Variants in RXFP2 observed in about 807,000 individuals in gnomAD.
RXFP2 encodes relaxin receptor 2.
RXFP2 carries 68 observed loss-of-function variants against 88.6 expected under a neutral mutation model. That is an observed-to-expected ratio of 0.77 (90% CI 0.63 to 0.94). RXFP2 has a LOEUF of 0.94. Among genes scored for constraint, RXFP2 ranks in the 40% least tolerant of loss-of-function variants. The pLI is 0.00. For synonymous variants in RXFP2, 329 were observed against 306.8 expected, an observed-to-expected ratio of 1.07 and a Z score of -0.76; for missense variants, 791 against 893.9, an observed-to-expected ratio of 0.88 and a Z score of 1.47.
chr13:31,753,123 G>A (rs181208857), intron 1 of RXFP2, among the ~76,000 whole-genome samples: 1 of 152,168 alleles, frequency 6.6e-6, no homozygotes. Context: ...AGAACATCTG[G>A]CTGAGAGGAT....
intron 5 of RXFP2, among the ~76,000 whole-genome samples, chr13:31,773,456 C>T (rs1356239047): frequency 1.3e-5 from 2 of 151,130 alleles, no homozygotes; most frequent in African/African-American, 4.9e-5. Flanking sequence ...TCTTTATTTA[C>T]TTTCACTTTC....
chr13:31,802,422 C>T lies in RXFP2; in HGVS notation c.*17C>T. On this transcript the variant is annotated 3_prime_UTR_variant, in exon 18 of 18. Transcript: ENST00000298386. ...GTTTCCTAGCAATCATTTTGGATCACTGGACTTTCAGTGGACTACCTAAAA... is the reference window on the plus strand; with the variant it reads ...GTTTCCTAGCAATCATTTTGGATCATTGGACTTTCAGTGGACTACCTAAAA... The T allele has an allele frequency of 1.2e-6, 2 of 1,612,912 alleles. No homozygotes were observed. The highest frequency in any genetic ancestry group is 1.1e-5 in the South Asian group (1 of 90,946).
intron 14 of RXFP2, among the ~76,000 whole-genome samples, chr13:31,790,940 A>C (rs1229445317): frequency 6.6e-6 from 1 of 152,222 alleles, no homozygotes; most frequent in Non-Finnish European, 1.5e-5. Context: ...GCAGGGCAAG[A>C]GGCGAGGTGG....
chr13:31,786,676 G>C (rs764085501), intron 13 of RXFP2, 39 bp downstream of exon 13: 1 of 1,247,684 alleles, frequency 8.0e-7, no homozygotes, highest in Non-Finnish European at 1.2e-6. Context: ...TATAATTTTA[G>C]TGGATGTACT....
At chr13:31,783,370 A>T (rs1426442721) in intron 11 of RXFP2, among the ~76,000 whole-genome samples, 1 of 152,220 alleles carries the variant, frequency 6.6e-6, no homozygotes, top group Non-Finnish European at 1.5e-5. Context: ...GGAAGTTAAA[A>T]CTAAGTCTGT....
In RXFP2 at chr13:31,802,754, A is replaced by G. The variant is rs1874419075; in HGVS notation, c.*349A>G. 8.2e-6 allele frequency: 2 copies of G among 242,732 alleles called. No homozygotes were observed. The highest frequency in any genetic ancestry group is 1.6e-5 in the Non-Finnish European group (2 of 122,622). 15.0% of individuals were successfully genotyped at this position (242,732 alleles called of 1,614,324 possible). A position where few individuals can be genotyped will look rare whatever the true frequency, so the allele number is the denominator to read the frequency against. ...TCTTTCACATCGGGTTGCACTGTCC[A>G]TGAAATAGAAACACTCACAACATCT... On this transcript the variant is annotated 3_prime_UTR_variant, in exon 18 of 18. Transcript: ENST00000298386.
chr13:31,777,372 T>C lies in RXFP2; in HGVS notation c.642-4T>C. 1 of 1,604,546 alleles carries C rather than the reference T, an allele frequency of 6.2e-7. No homozygotes were observed. Among genetic ancestry groups the C allele is most frequent in the Non-Finnish European group, 8.5e-7 (1 of 1,172,060 alleles). On this transcript the variant is annotated splice_region_variant and splice_polypyrimidine_tract_variant and intron_variant, in intron 7 of 17. Transcript: ENST00000298386. ...TGGAAATGTTTCTTGATACATTTTG[T>C]CAGAATTCTAGATGACAATCCAATA...
intron 1 of RXFP2, among the ~76,000 whole-genome samples, chr13:31,753,023 G>A (rs1218115906): frequency 6.6e-6 from 1 of 152,136 alleles, no homozygotes; most frequent in African/African-American, 2.4e-5. Context: ...TGGTGACCAG[G>A]TCGTCTGACT....
chr13:31,775,189 C>T, intron 6 of RXFP2, 129 bp from the exon 7 acceptor site: 1 of 793,786 alleles, frequency 1.3e-6, no homozygotes, highest in South Asian at 1.5e-5. Flanking sequence ...CCCCTCTGCT[C>T]ATTCAGCCGA....
intron 2 of RXFP2, among the ~76,000 whole-genome samples, chr13:31,759,435 A>AAGAC (rs1267206298): frequency 7.3e-6 from 1 of 136,352 alleles, no homozygotes; most frequent in Non-Finnish European, 1.6e-5. Context: ...GAAAGAAAGA[A>AAGAC]AGAAAGAAAG....
chr13:31,791,937 C>A lies in RXFP2; in HGVS notation c.1277C>A (p.Ala426Asp). Residue 426 changes from alanine to aspartate, a missense_variant, in exon 15 of 18, where the codon GCT becomes GAT. By Grantham distance (126) the Ala-to-Asp change is moderately radical. Transcript: ENST00000298386. ...CTCAGAATATTTGTCTGGGTTATAG[C>A]TTTCATTACCTGCTTTGGAAATCTT... ...NILRIFVWVI[A>D]FITCFGNLFV... 6.2e-7 allele frequency: 1 copy of A among 1,614,104 alleles called. No individual in the cohort carries two copies. The highest frequency in any genetic ancestry group is 8.5e-7 in the Non-Finnish European group (1 of 1,179,970).
At chr13:31,761,929 C>T in intron 3 of RXFP2, 128 bp downstream of exon 3, 1 of 629,870 alleles carries the variant, frequency 1.6e-6, no homozygotes. Context: ...ATTTCACTGG[C>T]TAACAGGTCT....
At chr13:31,791,430 C>A (rs1873786062) in intron 14 of RXFP2, among the ~76,000 whole-genome samples, 1 of 152,110 alleles carries the variant, frequency 6.6e-6, no homozygotes, top group Admixed American at 6.5e-5. Flanking sequence ...TTTTCCCATC[C>A]CAAGCCCAAG....
chr13:31,775,463 T>G, intron 7 of RXFP2, 74 bp downstream of exon 7: 1 of 1,087,990 alleles, frequency 9.2e-7, no homozygotes, highest in East Asian at 2.4e-5. Flanking sequence ...TAATGTAGTT[T>G]CCACTATTTG....
intron 2 of RXFP2, among the ~76,000 whole-genome samples, chr13:31,758,952 G>T (rs1011126764): frequency 1.2e-4 from 18 of 152,032 alleles, no homozygotes; most frequent in African/African-American, 4.3e-4. Context: ...GGAGGCTGAG[G>T]CAGGAGAATT....
At chr13:31,750,290 A>G (rs1342341520) in intron 1 of RXFP2, among the ~76,000 whole-genome samples, 1 of 152,080 alleles carries the variant, frequency 6.6e-6, no homozygotes, top group African/African-American at 2.4e-5. Context: ...AATCTTTTCA[A>G]AGGAATACAT....
intron 5 of RXFP2, among the ~76,000 whole-genome samples, chr13:31,771,133 C>G (rs1473496369): frequency 6.6e-6 from 1 of 152,170 alleles, no homozygotes; most frequent in African/African-American, 2.4e-5. Context: ...TCTGTTTGAG[C>G]AGAGAACAGA....
chr13:31,759,932 C>G (rs1321283595), intron 2 of RXFP2, among the ~76,000 whole-genome samples: 2 of 152,160 alleles, frequency 1.3e-5, no homozygotes, highest in African/African-American at 4.8e-5. Context: ...GTTTAAGTGT[C>G]TCCTCCTCCA....
intron 6 of RXFP2, 100 bp from the exon 7 acceptor site, chr13:31,775,218 G>T (rs1872892167): frequency 3.1e-6 from 3 of 967,804 alleles, no homozygotes; most frequent in South Asian, 2.6e-5. Context: ...AGACGCAGAT[G>T]TCCATATCCA....
Sources: allele counts gnomAD v4.1 joint callset (sites outside exome capture counted in the v4.1 genomes callset), GRCh38; gene constraint gnomAD v4.1.1; transcripts MANE v1.5; gene names NCBI Gene and HGNC (gene_info 2026-07-23, HGNC 2026-07-21).